The following ING3 variants were observed in gnomAD, a reference collection of about 807,000 sequenced individuals.
ING3 encodes inhibitor of growth protein 3.
In ING3, 6 loss-of-function variants were observed where a neutral mutation model predicts 64.8. The ratio of observed to expected loss-of-function variants is 0.09; its 90% CI spans 0.05 to 0.18. ING3 has a LOEUF of 0.18. Ranked by LOEUF, ING3 falls within the 10% of genes least tolerant of loss-of-function variation. The pLI, the probability that ING3 is intolerant of heterozygous loss-of-function variation, is 1.00. For synonymous variants in ING3, 170 were observed against 173.7 expected (o/e 0.98, Z 0.17); for missense variants, 310 against 489.7 (o/e 0.63, Z 3.46).
At chr7:120,952,057 G>C (rs1214010063) in intron 2 of ING3, among the ~76,000 whole-genome samples, 1 of 152,182 alleles carries the variant, frequency 6.6e-6, no homozygotes, top group Non-Finnish European at 1.5e-5. Context: ...TTTCCGGTAA[G>C]TTTCAGGTGG....
intron 2 of ING3, among the ~76,000 whole-genome samples, chr7:120,952,414 A>G (rs1269555003): frequency 6.6e-6 from 1 of 152,238 alleles, no homozygotes; most frequent in Non-Finnish European, 1.5e-5. Context: ...GGCATTAAAT[A>G]AAGGGTAACT....
Position 120,974,771 on chromosome 7 carries a change from A to C in ING3, c.1184A>C (p.Glu395Ala), listed in dbSNP as rs1752023879. The change falls in exon 12 of 12, where the codon GAG (glutamate) becomes GCG (alanine). Residue 395 changes from glutamate to alanine, a missense_variant. By Grantham distance (107) the Glu-to-Ala change is moderately radical. This residue lies in a region of ING3 where 24 missense variants were observed against 84.1 expected (regional missense o/e 0.29). Coordinates refer to ENST00000315870, the MANE Select transcript of ING3 (RefSeq NM_019071.3). ...CATTATGGCTGCGTTGGATTGACAG[A>C]GGCACCAAAAGGCAAATGGTACTGT... ...WFHYGCVGLTEAPKGKWYCPQ... is the reference protein window; with the variant it reads ...WFHYGCVGLTAAPKGKWYCPQ... 1 of 1,612,940 alleles carries C rather than the reference A, an allele frequency of 6.2e-7. No individual in the cohort carries two copies. The highest frequency in any genetic ancestry group is 8.5e-7 in the Non-Finnish European group (1 of 1,179,220).
intron 5 of ING3, 57 bp downstream of exon 5, chr7:120,964,895 A>T: frequency 7.3e-7 from 1 of 1,377,200 alleles, no homozygotes; most frequent in Non-Finnish European, 1.0e-6. Context: ...CAAATCGCTG[A>T]GAAGACCTTG....
chr7:120,951,085 C>A, intron 1 of ING3, 79 bp from the exon 2 acceptor site: 2 of 1,558,320 alleles, frequency 1.3e-6, no homozygotes, highest in South Asian at 1.1e-5. Context: ...CCCTCGACCC[C>A]CCTGACGCAC....
intron 7 of ING3, 22 bp downstream of exon 7, chr7:120,967,670 T>C: frequency 1.3e-6 from 2 of 1,574,474 alleles, no homozygotes; most frequent in Non-Finnish European, 1.7e-6. Flanking sequence ...TTCTTAAATA[T>C]GATTGCTTTG....
At chr7:120,961,425 A>G (rs764196890) in intron 4 of ING3, among the ~76,000 whole-genome samples, 12 of 152,360 alleles carry the variant, frequency 7.9e-5, no homozygotes, top group Non-Finnish European at 1.6e-4. Flanking sequence ...CTCTTCCGAT[A>G]GGGCAAGCTA....
At chr7:120,952,668 G>A (rs77273645) in intron 2 of ING3, among the ~76,000 whole-genome samples, 2 of 151,886 alleles carry the variant, frequency 1.3e-5, no homozygotes, top group African/African-American at 2.4e-5. Context: ...TCTTTAAAAG[G>A]CTATTGTGGA....
At position 120,969,277 on chromosome 7, in the gene ING3, C is replaced by G. The variant is rs115314385; in HGVS notation, c.908+73C>G. 1,206 of 1,206,164 alleles carry G rather than the reference C, an allele frequency of 1.0e-3. 6 individuals are homozygous for G. The African/African-American group carries it at 0.015, about 15-fold the overall frequency. 74.7% of individuals were successfully genotyped at this position (1,206,164 alleles called of 1,614,324 possible). On this transcript the variant is annotated intron_variant, in intron 9 of 11. Transcript: ENST00000315870. ...TCTACTTGACACTTCAGCCAGGCCT[C>G]TCTATGTTAAAGGCAGGATATAACG...
intron 5 of ING3, among the ~76,000 whole-genome samples, chr7:120,965,639 ACCTGTT>A (rs1424278804): frequency 6.6e-6 from 1 of 152,156 alleles, no homozygotes; most frequent in Non-Finnish European, 1.5e-5. Flanking sequence ...AAGAATATGT[ACCTGTT>A]TCTACACACA....
chr7:120,958,089 A>G (rs1316525754), intron 4 of ING3, among the ~76,000 whole-genome samples: 1 of 152,144 alleles, frequency 6.6e-6, no homozygotes, highest in Non-Finnish European at 1.5e-5. Flanking sequence ...GCCAAGTGGA[A>G]GCTGCTGTCT....
At chr7:120,968,532 C>T (rs1011292157) in intron 8 of ING3, among the ~76,000 whole-genome samples, 1 of 152,100 alleles carries the variant, frequency 6.6e-6, no homozygotes, top group African/African-American at 2.4e-5. Context: ...TGTGTAAAAT[C>T]TTATTTTAAA....
intron 10 of ING3, among the ~76,000 whole-genome samples, chr7:120,971,408 C>G (rs1381123158): frequency 2.0e-5 from 3 of 152,162 alleles, no homozygotes; most frequent in African/African-American, 7.2e-5. Context: ...CCTTTACCAC[C>G]TCCTCACAGG....
At chr7:120,956,982 G>A (rs555576003) in intron 4 of ING3, 1 of 380,448 alleles carries the variant, frequency 2.6e-6, no homozygotes, top group East Asian at 1.6e-4. Flanking sequence ...TTAAATATGT[G>A]TGTGTGTGTA....
chr7:120,970,157 G>C (rs945741670), intron 9 of ING3, among the ~76,000 whole-genome samples: 1 of 152,032 alleles, frequency 6.6e-6, no homozygotes, highest in Admixed American at 6.6e-5. Context: ...AGAGTATTCA[G>C]TTTACTTAAA....
At chr7:120,956,315 A>C (rs1325877853) in intron 4 of ING3, 2 of 1,420,238 alleles carry the variant, frequency 1.4e-6, no homozygotes, top group Non-Finnish European at 1.8e-6. Flanking sequence ...ATTAAAGTAA[A>C]TTAAAGCAGA....
Position 120,974,949 on chromosome 7 carries a change from C to T in ING3, c.*105C>T. On this transcript the variant is annotated 3_prime_UTR_variant, in exon 12 of 12. Transcript: ENST00000315870. ...GAAGAAACAATGCATTTCCAGGCAA[C>T]CACTTAAAGGATTTACATAGACAAT... 1.4e-6 allele frequency: 1 copy of T among 704,182 alleles called. No homozygotes were observed. The highest frequency in any genetic ancestry group is 2.3e-6 in the Non-Finnish European group (1 of 429,448). The allele number at this position is 704,182 out of a possible 1,614,324, so 43.6% of individuals were successfully genotyped here. A position where few individuals can be genotyped will look rare whatever the true frequency, so the allele number is the denominator to read the frequency against.
intron 4 of ING3, among the ~76,000 whole-genome samples, chr7:120,958,042 T>C (rs1352250015): frequency 6.6e-6 from 1 of 152,188 alleles, no homozygotes; most frequent in Non-Finnish European, 1.5e-5. Flanking sequence ...ACTGGAATTT[T>C]CTATTTTCCT....
intron 1 of ING3, 32 bp downstream of exon 1, chr7:120,950,956 T>C (rs759180629): frequency 3.9e-6 from 6 of 1,550,916 alleles, no homozygotes; most frequent in African/African-American, 1.4e-5. Context: ...CGGCCGCCAG[T>C]GGGACGTGCG....
chr7:120,969,127 A>C lies in ING3; in HGVS notation c.831A>C (p.Ser277=). Residue 277 remains serine, a synonymous_variant, in exon 9 of 12, where the codon TCA becomes TCC. Transcript: ENST00000315870. The part of the protein sequence containing the change: ...SMARETVGYS[S]SSALMTTLTQ... ...CCAGGGAAACAGTTGGCTATTCATC[A>C]TCTTCGGCACTTATGACAACATTAA... 1.2e-6 allele frequency: 2 copies of C among 1,614,174 alleles called. No homozygotes were observed. Among genetic ancestry groups the C allele is most frequent in the Non-Finnish European group, 8.5e-7 (1 of 1,179,996 alleles).
Sources: gnomAD v4.1 joint callset for allele counts (sites outside exome capture counted in the v4.1 genomes callset) on GRCh38, gnomAD v4.1.1 for gene constraint, gnomAD v4.1.1 regional missense constraint, MANE v1.5 for transcripts, NCBI Gene and HGNC (gene_info 2026-07-23, HGNC 2026-07-21) for gene names.